The following KATNAL1 variants were observed in gnomAD, a reference collection of about 807,000 sequenced individuals.
KATNAL1 encodes the protein katanin catalytic subunit A1 like 1, also known as katanin p60 ATPase-containing subunit A-like 1.
Under a neutral mutation model 55.2 loss-of-function variants are expected in KATNAL1, and 32 were observed. That is an observed-to-expected ratio of 0.58 (90% CI 0.44 to 0.78). The LOEUF (loss-of-function observed/expected upper bound fraction) is 0.78, where lower values mean the gene tolerates loss of function less well. KATNAL1 is among the 30% of genes least tolerant of loss of function. The pLI is 0.00. For missense variants in KATNAL1, 466 were observed against 600.9 expected (o/e 0.78, Z 2.35); for synonymous variants, 193 against 193.6 (o/e 1.00, Z 0.02).
chr13:30,255,068 C>T (rs116191256), intron 4 of KATNAL1, among the ~76,000 whole-genome samples: 2,010 of 152,250 alleles, frequency 0.013, 37 homozygotes, highest in African/African-American at 0.045. Context: ...AATCATATCC[C>T]TCATCTTATT....
rs1873065907 is a variant in KATNAL1, at chr13:30,205,775, TGTGTGTGTG to T, written c.*2756_*2764del. The T allele has an allele frequency of 6.4e-6, 1 of 155,388 alleles. No homozygotes were observed. Among genetic ancestry groups the T allele is most frequent in the Non-Finnish European group, 1.4e-5 (1 of 71,216 alleles). 9.6% of individuals were successfully genotyped at this position (155,388 alleles called of 1,614,324 possible). A position where few individuals can be genotyped will look rare whatever the true frequency, so the allele number is the denominator to read the frequency against. ...CTGTGTGTGTGTGTGTGTGTGTGTG[TGTGTGTGTG>T]TGTGTCTCACGCCTATAAGGCAACA... On this transcript the variant is annotated 3_prime_UTR_variant, in exon 11 of 11. Transcript: ENST00000380615.
intron 1 of KATNAL1, among the ~76,000 whole-genome samples, chr13:30,298,155 C>A (rs1417757753): frequency 6.6e-6 from 1 of 152,200 alleles, no homozygotes; most frequent in Non-Finnish European, 1.5e-5. Context: ...ATTTGTGTGA[C>A]TAGCTTTATC....
chr13:30,264,609 A>G (rs1249358932), intron 3 of KATNAL1, among the ~76,000 whole-genome samples: 1 of 150,092 alleles, frequency 6.7e-6, no homozygotes, highest in Non-Finnish European at 1.5e-5. Flanking sequence ...GCAGCCAAAC[A>G]ACACATGAAA....
intron 4 of KATNAL1, among the ~76,000 whole-genome samples, chr13:30,251,246 T>C (rs568422095): frequency 2.0e-5 from 2 of 98,252 alleles, no homozygotes; most frequent in East Asian, 1.2e-3. Flanking sequence ...AGATTATCCT[T>C]CTTAAGTAAA....
intron 3 of KATNAL1, among the ~76,000 whole-genome samples, chr13:30,273,538 C>T (rs1880537207): frequency 6.6e-6 from 1 of 152,188 alleles, no homozygotes; most frequent in South Asian, 2.1e-4. Context: ...CGTAAAAGCA[C>T]AATACCTGGT....
At chr13:30,242,653 A>G (rs1877393873) in intron 4 of KATNAL1, among the ~76,000 whole-genome samples, 1 of 152,174 alleles carries the variant, frequency 6.6e-6, no homozygotes, top group Non-Finnish European at 1.5e-5. Flanking sequence ...TGGCTCCTAT[A>G]GAGGACGGGG....
At chr13:30,288,886 G>T (rs1881962882) in intron 1 of KATNAL1, among the ~76,000 whole-genome samples, 1 of 152,170 alleles carries the variant, frequency 6.6e-6, no homozygotes, top group Non-Finnish European at 1.5e-5. Flanking sequence ...GACACTACTG[G>T]TTCAAGATTA....
In KATNAL1 at chr13:30,240,582, A is replaced by C. The variant is rs1014191016; in HGVS notation, c.621-17T>G. On this transcript the variant is annotated splice_polypyrimidine_tract_variant and intron_variant, in intron 5 of 10. Transcript: ENST00000380615. Reference sequence around the variant, plus strand: ...ATGTCATCCCTTTGAAAGAACAGCAAACTTTCATAATGTTTACTCAGGGAT... The same window carrying C: ...ATGTCATCCCTTTGAAAGAACAGCACACTTTCATAATGTTTACTCAGGGAT... The C allele has an allele frequency of 2.0e-6, 3 of 1,527,938 alleles. No individual in the cohort carries two copies. The highest frequency in any genetic ancestry group is 2.7e-6 in the Non-Finnish European group (3 of 1,102,886). 94.6% of individuals were successfully genotyped at this position (1,527,938 alleles called of 1,614,324 possible). A position where few individuals can be genotyped will look rare whatever the true frequency, so the allele number is the denominator to read the frequency against.
intron 3 of KATNAL1, among the ~76,000 whole-genome samples, chr13:30,275,127 A>T (rs1181628274): frequency 2.0e-5 from 3 of 152,164 alleles, no homozygotes; most frequent in Admixed American, 6.5e-5. Context: ...TGGGTAATTT[A>T]TAAATAGAGG....
rs373473226 is a variant in KATNAL1 at position 30,248,644 on chromosome 13, G to A, written c.492+6803C>T. The stretch of plus-strand genomic sequence containing the variant: ...ATTATACCTAAAAAAGACTGACAAC[G>A]CCGGGCGCAATGGCTCACGCCTGGA... On this transcript the variant is annotated intron_variant, in intron 4 of 10. Transcript: ENST00000380615. 1.7e-4 allele frequency among the ~76,000 whole-genome samples: 26 copies of A among 152,318 alleles called. 1 individual carries two copies. In the South Asian group the frequency reaches 2.1e-3, roughly 12 times the overall value.
rs373141616 is a variant in KATNAL1, at chr13:30,280,416, T to G, written c.163-193A>C. Among the ~76,000 whole-genome samples the G allele has an allele frequency of 1.4e-3, 214 of 152,290 alleles. 1 individual carries two copies. The highest frequency in any genetic ancestry group is 3.8e-3 in the African/African-American group (160 of 41,574). On this transcript the variant is annotated intron_variant, in intron 2 of 10. Coordinates refer to ENST00000380615, the MANE Select transcript of KATNAL1 (RefSeq NM_032116.5). ...GGTAGAAATTAGTTTGAAAAAATCA[T>G]AATTCTATACCTTTTAATAAGTAGT...
chr13:30,267,383 T>G (rs1226661665), intron 3 of KATNAL1, among the ~76,000 whole-genome samples: 1 of 152,224 alleles, frequency 6.6e-6, no homozygotes, highest in African/African-American at 2.4e-5. Context: ...CTGAGATTAT[T>G]CTACTGATTT....
At chr13:30,293,959 G>T (rs1882306874) in intron 1 of KATNAL1, among the ~76,000 whole-genome samples, 2 of 152,260 alleles carry the variant, frequency 1.3e-5, no homozygotes, top group East Asian at 3.9e-4. Flanking sequence ...TGTTACTGTT[G>T]TAATTGTATT....
At chr13:30,280,036 C>T (rs1881155850) in intron 3 of KATNAL1, 27 bp downstream of exon 3, 1 of 1,585,058 alleles carries the variant, frequency 6.3e-7, no homozygotes, top group Non-Finnish European at 8.5e-7. Flanking sequence ...CTAGAAGCAC[C>T]TAAAGAGAAT....
intron 1 of KATNAL1, among the ~76,000 whole-genome samples, chr13:30,304,281 T>C (rs1883045437): frequency 6.6e-6 from 1 of 151,622 alleles, no homozygotes; most frequent in African/African-American, 2.4e-5. Flanking sequence ...TTTTTTTTTT[T>C]TTTTCCTGAC....
At chr13:30,242,993 G>A (rs534527835) in intron 4 of KATNAL1, among the ~76,000 whole-genome samples, 2 of 152,202 alleles carry the variant, frequency 1.3e-5, no homozygotes, top group East Asian at 3.9e-4. Context: ...ATACCTAAAG[G>A]AAACTATTAG....
intron 6 of KATNAL1, among the ~76,000 whole-genome samples, chr13:30,239,383 C>G (rs1045220766): frequency 3.3e-5 from 5 of 152,090 alleles, no homozygotes. Flanking sequence ...GCACACCAGC[C>G]TGGGCAACAG....
At chr13:30,298,247 A>AC (rs1325833114) in intron 1 of KATNAL1, among the ~76,000 whole-genome samples, 13 of 152,210 alleles carry the variant, frequency 8.5e-5, no homozygotes, top group Non-Finnish European at 1.6e-4. Context: ...CAGTTCTAGA[A>AC]TGCAAAATAA....
intron 3 of KATNAL1, among the ~76,000 whole-genome samples, chr13:30,271,600 T>TCC (rs1327412446): frequency 6.6e-6 from 1 of 151,896 alleles, no homozygotes; most frequent in Non-Finnish European, 1.5e-5. Flanking sequence ...AAGGGGGAAA[T>TCC]CCACCCCCAT....
Sources: allele counts gnomAD v4.1 joint callset (sites outside exome capture counted in the v4.1 genomes callset), GRCh38; gene constraint gnomAD v4.1.1; transcripts MANE v1.5; gene names NCBI Gene and HGNC (gene_info 2026-07-23, HGNC 2026-07-21).